The following CLDN16 variants were observed in gnomAD, a reference collection of about 807,000 sequenced individuals.
The protein encoded by CLDN16 is claudin 16, also known as claudin-16.
In CLDN16, 13 loss-of-function variants were observed where a neutral mutation model predicts 24.6. The observed-to-expected ratio is 0.53, with a 90% CI of 0.34 to 0.84. The LOEUF (loss-of-function observed/expected upper bound fraction) is 0.84, where lower values mean the gene tolerates loss of function less well. CLDN16 is among the 40% of genes least tolerant of loss of function. The pLI is 0.01. For missense variants in CLDN16, 298 were observed against 292.7 expected, an observed-to-expected ratio of 1.02 and a Z score of -0.13; for synonymous variants, 116 against 106.7, an observed-to-expected ratio of 1.09 and a Z score of -0.54.
upstream of CLDN16, chr3:190,322,096 G>C: frequency 6.2e-7 from 1 of 1,614,184 alleles, no homozygotes; most frequent in Non-Finnish European, 8.5e-7. Flanking sequence ...CGATGTTGTC[G>C]CCGGCATAGG....
the CLDN16 span, among the ~76,000 whole-genome samples, chr3:190,294,456 ATG>A: frequency 1.4e-4 from 21 of 152,248 alleles, no homozygotes; most frequent in African/African-American, 4.8e-4. Context: ...TTAATATTGA[ATG>A]TAAATTAATT....
At chr3:190,381,627 G>C (rs1214127213) in intron 3 of CLDN16, among the ~76,000 whole-genome samples, 3 of 151,982 alleles carry the variant, frequency 2.0e-5, no homozygotes, top group African/African-American at 4.8e-5. Context: ...AAAATAGAAA[G>C]TTAGTCATCT....
chr3:190,306,424 C>T, the CLDN16 span: 2 of 152,156 alleles, frequency 1.3e-5, no homozygotes, highest in East Asian at 1.9e-4. Flanking sequence ...AAAAGCAACA[C>T]CAAAACGTAT....
chr3:190,386,424 G>A (rs1479122842), upstream of CLDN16, among the ~76,000 whole-genome samples: 7 of 152,084 alleles, frequency 4.6e-5, no homozygotes, highest in Non-Finnish European at 8.8e-5. Context: ...TGTCAGAAAC[G>A]AAGGACAGTA....
the CLDN16 span, among the ~76,000 whole-genome samples, chr3:190,297,876 G>A: frequency 4.6e-5 from 7 of 151,024 alleles, no homozygotes; most frequent in Non-Finnish European, 1.0e-4. Flanking sequence ...GAGTTAAGTT[G>A]GACACGTATC....
intron 1 of CLDN16, among the ~76,000 whole-genome samples, chr3:190,335,001 C>T (rs562359125): frequency 2.1e-5 from 3 of 145,224 alleles, no homozygotes; most frequent in Non-Finnish European, 3.0e-5. Flanking sequence ...TCTTTTTATT[C>T]TTTTCTTTCC....
chr3:190,300,987 C>T, the CLDN16 span, among the ~76,000 whole-genome samples: 1 of 152,162 alleles, frequency 6.6e-6, no homozygotes, highest in Non-Finnish European at 1.5e-5. Flanking sequence ...AATTTGGTTT[C>T]TGCCATTATT....
the CLDN16 span, chr3:190,307,054 A>T: frequency 6.5e-6 from 1 of 152,680 alleles, no homozygotes; most frequent in African/African-American, 2.4e-5. Context: ...GGCATAGTTC[A>T]TGTTCAAAGA....
chr3:190,328,205 C>T (rs1024773511), intron 1 of CLDN16, among the ~76,000 whole-genome samples: 2 of 151,866 alleles, frequency 1.3e-5, no homozygotes, highest in Non-Finnish European at 2.9e-5. Context: ...CACTTGGGCT[C>T]GAGAGATGGA....
chr3:190,320,575 C>A (rs1466136286), upstream of CLDN16, among the ~76,000 whole-genome samples: 8 of 152,288 alleles, frequency 5.3e-5, no homozygotes, highest in South Asian at 1.7e-3. Context: ...TCAAAACAAC[C>A]ATGCACATTG....
intron 1 of CLDN16, among the ~76,000 whole-genome samples, chr3:190,350,343 G>GT (rs1358177083): frequency 1.0e-5 from 1 of 97,334 alleles, no homozygotes; most frequent in African/African-American, 4.5e-5. Flanking sequence ...AGTTCATAAT[G>GT]TTATATATAT....
chr3:190,370,004 G>T (rs1321322506), intron 1 of CLDN16, among the ~76,000 whole-genome samples: 7 of 151,928 alleles, frequency 4.6e-5, no homozygotes, highest in Non-Finnish European at 1.0e-4. Context: ...ACATACAGAG[G>T]ACATTTGTTT....
intron 1 of CLDN16, among the ~76,000 whole-genome samples, chr3:190,341,522 A>G (rs1000275578): frequency 2.0e-5 from 3 of 151,878 alleles, no homozygotes; most frequent in Non-Finnish European, 4.4e-5. Context: ...CAGCAGAGGA[A>G]CCCTGGGCCT....
chr3:190,409,009 A>C (rs555900860), intron 4 of CLDN16, among the ~76,000 whole-genome samples: 13 of 151,102 alleles, frequency 8.6e-5, no homozygotes, highest in African/African-American at 3.1e-4. Context: ...ACTATTGTAC[A>C]TTTGAATATT....
chr3:190,338,816 G>T (rs1472315077), intron 1 of CLDN16, among the ~76,000 whole-genome samples: 1 of 152,206 alleles, frequency 6.6e-6, no homozygotes, highest in African/African-American at 2.4e-5. Flanking sequence ...AGAAGTGAAT[G>T]GATTTGAGAA....
upstream of CLDN16, among the ~76,000 whole-genome samples, chr3:190,386,369 A>C (rs934541204): frequency 1.3e-5 from 2 of 152,162 alleles, no homozygotes; most frequent in African/African-American, 4.8e-5. Context: ...GTGTACAGTA[A>C]TCACCCCTTC....
chr3:190,372,280 A>C (rs1718158425), intron 2 of CLDN16, among the ~76,000 whole-genome samples: 1 of 151,930 alleles, frequency 6.6e-6, no homozygotes, highest in East Asian at 1.9e-4. Flanking sequence ...GCTCCTTCAC[A>C]TCCCTGAGAG....
chr3:190,316,441 C>T, the CLDN16 span, among the ~76,000 whole-genome samples: 1 of 152,094 alleles, frequency 6.6e-6, no homozygotes. Context: ...GCACAAAAAG[C>T]TGAGAATTAA....
At chr3:190,380,515 G>A (rs1333001481) in intron 3 of CLDN16, among the ~76,000 whole-genome samples, 1 of 152,040 alleles carries the variant, frequency 6.6e-6, no homozygotes, top group Admixed American at 6.6e-5. Flanking sequence ...GCATAAATAT[G>A]TTGAGAGACT....
Sources: gnomAD v4.1 joint callset for allele counts (sites outside exome capture counted in the v4.1 genomes callset) on GRCh38, gnomAD v4.1.1 for gene constraint, MANE v1.5 for transcripts, NCBI Gene and HGNC (gene_info 2026-07-23, HGNC 2026-07-21) for gene names.